The following HCN1 variants were observed in gnomAD, a reference collection of about 807,000 sequenced individuals.
HCN1 encodes hyperpolarization activated cyclic nucleotide gated potassium channel 1.
HCN1 carries 13 observed loss-of-function variants against 78.9 expected under a neutral mutation model. The observed-to-expected ratio is 0.16, with a 90% CI of 0.11 to 0.26. The LOEUF (loss-of-function observed/expected upper bound fraction) is 0.26. HCN1 is among the 10% of genes least tolerant of loss of function. The pLI is 1.00. For missense variants in HCN1, 810 were observed against 1,154.3 expected (o/e 0.70, Z 4.32); for synonymous variants, 552 against 455.5 (o/e 1.21, Z -2.70).
chr5:45,307,191 A>G (rs1371574129), intron 5 of HCN1, among the ~76,000 whole-genome samples: 5 of 152,130 alleles, frequency 3.3e-5, no homozygotes. Flanking sequence ...AATAACCAAG[A>G]TCACATACAA....
intron 7 of HCN1, among the ~76,000 whole-genome samples, chr5:45,266,208 A>G (rs1744852761): frequency 6.6e-6 from 1 of 152,172 alleles, no homozygotes; most frequent in Non-Finnish European, 1.5e-5. Flanking sequence ...TTGTATATAT[A>G]TATTTTTTTA....
In HCN1 at chr5:45,466,576, C is replaced by A. The variant is rs559976017; in HGVS notation, c.850-4569G>T. 1.1e-4 allele frequency among the ~76,000 whole-genome samples: 17 copies of A among 152,176 alleles called. No individual in the cohort carries two copies. In the East Asian group the frequency reaches 3.1e-3, roughly 28 times the overall value. Reference sequence around the variant, plus strand: ...GTTTCTCTTTATATTTCGGCACCTGCACGATTTGTTATATTTTTTAGATGG... The same window carrying A: ...GTTTCTCTTTATATTTCGGCACCTGAACGATTTGTTATATTTTTTAGATGG... On this transcript the variant is annotated intron_variant, in intron 2 of 7. Coordinates refer to ENST00000303230, the MANE Select transcript of HCN1 (RefSeq NM_021072.4).
At chr5:45,627,567 G>GT (rs1745193488) in intron 2 of HCN1, among the ~76,000 whole-genome samples, 1 of 152,076 alleles carries the variant, frequency 6.6e-6, no homozygotes, top group Non-Finnish European at 1.5e-5. Flanking sequence ...ACACAACCCT[G>GT]AAATAACAGT....
At chr5:45,396,750 G>T in intron 3 of HCN1, 40 bp from the exon 4 acceptor site, 1 of 1,497,788 alleles carries the variant, frequency 6.7e-7, no homozygotes, top group Non-Finnish European at 9.3e-7. Context: ...TGAGCCATTA[G>T]GATGGCAGAA....
intron 6 of HCN1, among the ~76,000 whole-genome samples, chr5:45,300,409 A>C (rs921155036): frequency 7.9e-5 from 12 of 151,944 alleles, no homozygotes; most frequent in Non-Finnish European, 1.2e-4. Flanking sequence ...ATCCTACTCA[A>C]CATAAAAATG....
At chr5:45,481,862 G>A (rs892683152) in intron 2 of HCN1, among the ~76,000 whole-genome samples, 3 of 152,080 alleles carry the variant, frequency 2.0e-5, no homozygotes, top group Non-Finnish European at 2.9e-5. Flanking sequence ...GTAATTTTGA[G>A]AGGTTTACTC....
At chr5:45,473,688 T>A (rs905090536) in intron 2 of HCN1, among the ~76,000 whole-genome samples, 1 of 151,842 alleles carries the variant, frequency 6.6e-6, no homozygotes, top group African/African-American at 2.4e-5. Flanking sequence ...CATGCTTAAA[T>A]CTTTCCTATA....
chr5:45,338,464 G>T (rs941263549), intron 5 of HCN1, among the ~76,000 whole-genome samples: 1 of 152,078 alleles, frequency 6.6e-6, no homozygotes, highest in African/African-American at 2.4e-5. Context: ...ATGTATATTA[G>T]ATGTGTGTAT....
At chr5:45,361,986 T>C (rs1398307611) in intron 4 of HCN1, among the ~76,000 whole-genome samples, 1 of 152,146 alleles carries the variant, frequency 6.6e-6, no homozygotes, top group Non-Finnish European at 1.5e-5. Context: ...AATTTATTTG[T>C]AATTATGGAA....
chr5:45,296,931 A>C (rs1217168381), intron 6 of HCN1, among the ~76,000 whole-genome samples: 1 of 152,020 alleles, frequency 6.6e-6, no homozygotes, highest in Non-Finnish European at 1.5e-5. Flanking sequence ...TTATATCCAC[A>C]AGGAAATTGG....
intron 6 of HCN1, among the ~76,000 whole-genome samples, chr5:45,270,677 C>T (rs1744944880): frequency 6.6e-6 from 1 of 152,006 alleles, no homozygotes; most frequent in Admixed American, 6.6e-5. Context: ...AAAGGCATGT[C>T]CTGGGAATCA....
At chr5:45,560,022 C>A (rs1303171765) in intron 2 of HCN1, 1 of 152,000 alleles carries the variant, frequency 6.6e-6, no homozygotes, top group Non-Finnish European at 1.5e-5. Flanking sequence ...AGCACTTTTA[C>A]CAATAAAGAA....
At chr5:45,558,393 T>C (rs1330458998) in intron 2 of HCN1, 2 of 152,056 alleles carry the variant, frequency 1.3e-5, no homozygotes, top group African/African-American at 2.4e-5. Context: ...AAGTGTAAGA[T>C]AAAGCAGCAG....
chr5:45,401,771 A>G (rs1348651486), intron 3 of HCN1, among the ~76,000 whole-genome samples: 4 of 151,974 alleles, frequency 2.6e-5, no homozygotes, highest in Non-Finnish European at 5.9e-5. Context: ...CATATAGAGA[A>G]ATATATCTCT....
At chr5:45,557,203 A>C (rs1743488065) in intron 2 of HCN1, among the ~76,000 whole-genome samples, 1 of 151,836 alleles carries the variant, frequency 6.6e-6, no homozygotes, top group Non-Finnish European at 1.5e-5. Context: ...TTTTTTTTTA[A>C]TTGTCTTTGT....
At chr5:45,278,507 C>A (rs981500547) in intron 6 of HCN1, among the ~76,000 whole-genome samples, 2 of 151,940 alleles carry the variant, frequency 1.3e-5, no homozygotes, top group African/African-American at 4.8e-5. Context: ...TGATTTTTTT[C>A]CCACTCCAAG....
At chr5:45,475,131 G>T (rs1253454073) in intron 2 of HCN1, among the ~76,000 whole-genome samples, 1 of 151,864 alleles carries the variant, frequency 6.6e-6, no homozygotes, top group Non-Finnish European at 1.5e-5. Context: ...TGAATTATGA[G>T]TATATAAAAT....
At chr5:45,424,679 T>C (rs551838111) in intron 3 of HCN1, among the ~76,000 whole-genome samples, 2 of 152,188 alleles carry the variant, frequency 1.3e-5, no homozygotes, top group Non-Finnish European at 2.9e-5. Flanking sequence ...TTTCCTATTA[T>C]ATATATTTTT....
intron 1 of HCN1, among the ~76,000 whole-genome samples, chr5:45,658,847 C>A (rs1460730434): frequency 6.6e-6 from 1 of 151,106 alleles, no homozygotes; most frequent in Non-Finnish European, 1.5e-5. Flanking sequence ...AGTCTGAGAT[C>A]AAACTGCAAG....
Sources: allele counts gnomAD v4.1 joint callset (sites outside exome capture counted in the v4.1 genomes callset), GRCh38; gene constraint gnomAD v4.1.1; transcripts MANE v1.5; gene names NCBI Gene and HGNC (gene_info 2026-07-23, HGNC 2026-07-21).